Variants in TBCD observed in about 807,000 individuals in gnomAD.
The protein encoded by TBCD is tubulin-specific chaperone D.
In TBCD, 105 loss-of-function variants were observed where a neutral mutation model predicts 169.3. The observed-to-expected ratio is 0.62, with a 90% CI of 0.53 to 0.73. The LOEUF (loss-of-function observed/expected upper bound fraction) is 0.73, where lower values mean the gene tolerates loss of function less well. TBCD is among the 30% of genes least tolerant of loss of function. The probability of loss-of-function intolerance (pLI) is 0.00; values close to 1 mark genes in which losing one functional copy is unlikely to be tolerated. For synonymous variants in TBCD, 700 were observed against 643.9 expected (o/e 1.09, Z -1.32); for missense variants, 1,444 against 1,600.1 (o/e 0.90, Z 1.66).
In TBCD at chr17:82,923,798, C is replaced by G. The variant is rs1475818824; in HGVS notation, c.2260+65C>G. The G allele has an allele frequency of 5.7e-6, 8 of 1,406,326 alleles. No individual in the cohort carries two copies. Among genetic ancestry groups the G allele is most frequent in the Non-Finnish European group, 7.8e-6 (8 of 1,026,744 alleles). The allele number at this position is 1,406,326 out of a possible 1,614,324, so 87.1% of individuals were successfully genotyped here. The stretch of plus-strand genomic sequence containing the variant: ...CCAGCAGGAAGCTGCTGGGGAGTGT[C>G]TGGGCACGGAGGAGGCCTCGGTTGT... On this transcript the variant is annotated intron_variant, in intron 26 of 38. Transcript: ENST00000355528. The surrounding 1 kb of genome is among the most constrained non-coding windows in gnomAD (Gnocchi z 4.6).
At chr17:82,794,277 C>A (rs980510536) in intron 7 of TBCD, among the ~76,000 whole-genome samples, 4 of 149,608 alleles carry the variant, frequency 2.7e-5, no homozygotes, top group Non-Finnish European at 5.9e-5. Context: ...CTGGCTCGCA[C>A]GTTGCAGAGA....
At chr17:82,825,617 G>A (rs2145134303) in intron 13 of TBCD, among the ~76,000 whole-genome samples, 1 of 152,206 alleles carries the variant, frequency 6.6e-6, no homozygotes. Context: ...ACAGCTTGAA[G>A]CAGTGTCCTC....
At chr17:82,941,515 C>T (rs1411088041) in intron 38 of TBCD, 32 bp downstream of exon 38, 1 of 1,541,974 alleles carries the variant, frequency 6.5e-7, no homozygotes, top group South Asian at 1.2e-5. Context: ...CATGAGGTGC[C>T]TGTGCTTCCC....
At chr17:82,941,193 TG>T (rs1276153943) in intron 37 of TBCD, among the ~76,000 whole-genome samples, 1 of 152,266 alleles carries the variant, frequency 6.6e-6, no homozygotes, top group African/African-American at 2.4e-5. Context: ...ACCGTCCTCC[TG>T]CGATTCCGGA....
In TBCD at chr17:82,752,154, C is replaced by A; in HGVS notation, c.-40C>A. 5 of 1,473,012 alleles carry A rather than the reference C, an allele frequency of 3.4e-6. No individual in the cohort carries two copies. The South Asian group carries it at 4.0e-5, about 12-fold the overall frequency. 91.2% of individuals were successfully genotyped at this position (1,473,012 alleles called of 1,614,324 possible). A position where few individuals can be genotyped will look rare whatever the true frequency, so the allele number is the denominator to read the frequency against. On this transcript the variant is annotated 5_prime_UTR_variant, in exon 1 of 39. Transcript: ENST00000355528. ...TCGCGCTCTAGCGGAGTGGGATCTG[C>A]GAACACGTGAGGCGGGGGCGCGGTC...
rs1180392985 is a variant in TBCD at position 82,945,080 on chromosome 17, G to A, written c.*2617G>A. ...TACAAAACCTCTCTGGTAGAATGTA[G>A]GCTATAATATGAGTACATTTTTGAA... On this transcript the variant is annotated 3_prime_UTR_variant, in exon 39 of 39. Transcript: ENST00000355528. 1 of 152,150 alleles carries A rather than the reference G, an allele frequency of 6.6e-6. No homozygotes were observed. The highest frequency in any genetic ancestry group is 2.4e-5 in the African/African-American group (1 of 41,434). 9.4% of individuals were successfully genotyped at this position (152,150 alleles called of 1,614,324 possible).
At chr17:82,940,759 TA>T (rs3837807) in intron 37 of TBCD, among the ~76,000 whole-genome samples, 1 of 151,428 alleles carries the variant, frequency 6.6e-6, no homozygotes, top group Non-Finnish European at 1.5e-5. Context: ...ATGATTTTTT[TA>T]AAAAAAAACA....
rs368629471 is a variant in TBCD, at chr17:82,884,241, G to A, written c.1533+39G>A. 7 of 1,553,662 alleles carry A rather than the reference G, an allele frequency of 4.5e-6. No individual in the cohort carries two copies. Among genetic ancestry groups the A allele is most frequent in the Middle Eastern group, 1.7e-4 (1 of 5,990 alleles). On this transcript the variant is annotated intron_variant, in intron 15 of 38. Transcript: ENST00000355528. The surrounding 1 kb of genome is among the most constrained non-coding windows in gnomAD (Gnocchi z 4.2). ...TTTTGATATTTCCTTTCCTGAAGGTGGGGGGTGGGCCTGGTCTCCCTGATG... is the reference window on the plus strand; with the variant it reads ...TTTTGATATTTCCTTTCCTGAAGGTAGGGGGTGGGCCTGGTCTCCCTGATG...
intron 7 of TBCD, among the ~76,000 whole-genome samples, chr17:82,791,505 G>A (rs76536935): frequency 0.021 from 3,253 of 152,244 alleles, 121 homozygotes; most frequent in African/African-American, 0.073. Context: ...TGTGGGAACT[G>A]TTGCCTTTGG....
At chr17:82,847,966 A>G (rs1032724401) in intron 13 of TBCD, among the ~76,000 whole-genome samples, 2 of 152,040 alleles carry the variant, frequency 1.3e-5, no homozygotes, top group African/African-American at 4.8e-5. Flanking sequence ...GGCTAACTTA[A>G]TTTTTTCAGA....
At chr17:82,898,461 GTTTTC>G (rs999448880) in intron 17 of TBCD, among the ~76,000 whole-genome samples, 7 of 151,966 alleles carry the variant, frequency 4.6e-5, no homozygotes, top group African/African-American at 1.7e-4. Flanking sequence ...CAGAGGCTTC[GTTTTC>G]TTTTCCTATG....
At chr17:82,885,701 ATAAAAT>A (rs1220258085) in intron 15 of TBCD, among the ~76,000 whole-genome samples, 2 of 152,224 alleles carry the variant, frequency 1.3e-5, no homozygotes, top group Non-Finnish European at 2.9e-5. Flanking sequence ...GGAAGCAGTA[ATAAAAT>A]TAAAGTACTT....
At chr17:82,852,864 G>A (rs970499718) in intron 13 of TBCD, among the ~76,000 whole-genome samples, 11 of 152,150 alleles carry the variant, frequency 7.2e-5, no homozygotes, top group African/African-American at 2.7e-4. Context: ...TTTTGTCTTG[G>A]GTATAGGCCT....
intron 1 of TBCD, 33 bp from the exon 2 acceptor site, chr17:82,756,132 G>A: frequency 6.4e-7 from 1 of 1,571,396 alleles, no homozygotes; most frequent in Non-Finnish European, 8.7e-7. Context: ...TTGGCCTAGT[G>A]ATAATTAATT....
intron 15 of TBCD, among the ~76,000 whole-genome samples, chr17:82,888,854 C>T (rs893180927): frequency 1.3e-5 from 2 of 152,216 alleles, no homozygotes; most frequent in East Asian, 1.9e-4. Context: ...TCCTCCAGAG[C>T]GTGGTCCCTG....
Position 82,800,970 on chromosome 17 carries a change from C to T in TBCD, c.924C>T (p.Phe308=). 6.2e-7 allele frequency: 1 copy of T among 1,611,306 alleles called. No homozygotes were observed. The highest frequency in any genetic ancestry group is 8.5e-7 in the Non-Finnish European group (1 of 1,179,166). Residue 308 remains phenylalanine, a synonymous_variant, in exon 9 of 39, where the codon TTC becomes TTT. Transcript: ENST00000355528. ...VKLVQRLGLT[F]LKPKVAAWRY... ...TTGTGCAGCGACTGGGGCTGACATT[C>T]CTGAAGCCGAAGGTGGCAGCATGGA...
At chr17:82,907,328 G>T (rs1300803976) in intron 20 of TBCD, among the ~76,000 whole-genome samples, 3 of 152,174 alleles carry the variant, frequency 2.0e-5, no homozygotes, top group Non-Finnish European at 4.4e-5. Flanking sequence ...ATTGGCAGGG[G>T]TCACAGCTTT....
At chr17:82,909,088 T>C (rs2060439764) in intron 21 of TBCD, among the ~76,000 whole-genome samples, 197 bp from the exon 22 acceptor site, 4 of 152,212 alleles carry the variant, frequency 2.6e-5, no homozygotes, top group Admixed American at 2.6e-4. Flanking sequence ...TCAAGGGAGC[T>C]CTGGGCCTGT....
intron 38 of TBCD, chr17:82,942,225 T>A (rs948158748): frequency 1.7e-6 from 1 of 599,786 alleles, no homozygotes; most frequent in Non-Finnish European, 2.9e-6. Context: ...GCAGTGAACC[T>A]CCCTTCCCGC....
Sources: gnomAD v4.1 joint callset for allele counts (sites outside exome capture counted in the v4.1 genomes callset) on GRCh38, gnomAD v4.1.1 for gene constraint, Gnocchi (gnomAD v3.1) non-coding constraint, MANE v1.5 for transcripts, NCBI Gene and HGNC (gene_info 2026-07-23, HGNC 2026-07-21) for gene names.